The following ITGAM variants were observed in gnomAD, a reference collection of about 807,000 sequenced individuals.
ITGAM encodes the protein integrin subunit alpha M.
In ITGAM, 79 loss-of-function variants were observed where a neutral mutation model predicts 137.5. The observed-to-expected ratio is 0.57, with a 90% confidence interval of 0.48 to 0.69. ITGAM has a LOEUF of 0.69. Ranked by LOEUF, ITGAM falls within the 30% of genes least tolerant of loss-of-function variation. The pLI is 0.00. For missense variants in ITGAM, 1,343 were observed against 1,483.5 expected, an observed-to-expected ratio of 0.91 and a Z score of 1.56; for synonymous variants, 583 against 592.3, an observed-to-expected ratio of 0.98 and a Z score of 0.23.
At chr16:31,289,331 A>T (rs577963484) in intron 12 of ITGAM, among the ~76,000 whole-genome samples, 12 of 152,346 alleles carry the variant, frequency 7.9e-5, no homozygotes, top group Admixed American at 3.3e-4. Context: ...CTCTATTCAC[A>T]ATAGCAAAGA....
Position 31,261,774 on chromosome 16 carries a change from C to T in ITGAM, c.111C>T (p.Ser37=), listed in dbSNP as rs777607162. ...AGAACGCAAGGGGCTTCGGGCAGAG[C>T]GTGGTCCAGCTTCAGGGATCCAGGT... ...FQENARGFGQ[S]VVQLQGSRVV... is the part of the protein sequence containing the mutation. Residue 37 remains serine (S), a synonymous_variant, in exon 2 of 30, where the codon AGC becomes AGT. Coordinates refer to ENST00000544665, the MANE Select transcript of ITGAM (RefSeq NM_000632.4). The T allele has an allele frequency of 1.4e-5, 23 of 1,612,474 alleles. No homozygotes were observed. The highest frequency in any genetic ancestry group is 2.2e-5 in the East Asian group (1 of 44,844).
At chr16:31,330,857 A>G (rs1190629028) in intron 28 of ITGAM, among the ~76,000 whole-genome samples, 1 of 126,516 alleles carries the variant, frequency 7.9e-6, no homozygotes, top group Non-Finnish European at 1.6e-5. Flanking sequence ...AGAGACAGAG[A>G]CAGTGAGAGA....
intron 12 of ITGAM, among the ~76,000 whole-genome samples, chr16:31,280,196 C>T (rs1054901583): frequency 6.6e-6 from 1 of 152,148 alleles, no homozygotes; most frequent in Non-Finnish European, 1.5e-5. Context: ...GTTCTTTTGG[C>T]TTAGGATTGA....
chr16:31,330,707 GAGAC>G (rs979788572), intron 28 of ITGAM, 102 bp downstream of exon 28: 14 of 799,726 alleles, frequency 1.8e-5, no homozygotes, highest in African/African-American at 3.5e-5. Context: ...GGGAGAGAGA[GAGAC>G]AGAGCGACAG....
chr16:31,316,200 CAAAAAAAAAAAAAAAAAAAAAAAA>C lies in ITGAM; in HGVS notation c.1708-5026_1708-5003del, dbSNP rs1220064232. 2.8e-3 allele frequency among the ~76,000 whole-genome samples: 2 copies of C among 704 alleles called. 1 individual carries two copies. Among genetic ancestry groups the C allele is most frequent in the Non-Finnish European group, 4.5e-3 (2 of 446 alleles). The allele number at this position is 704 out of a possible 152,430, so 0.5% of individuals were successfully genotyped here. A position where few individuals can be genotyped will look rare whatever the true frequency, so the allele number is the denominator to read the frequency against. Reference sequence around the variant, plus strand: ...TGGGCGACAGAGCGAGACTCCGTCTCAAAAAAAAAAAAAAAAAAAAAAAAAAAAAAAAAAAAAATTAGCCAGGCA... The same window carrying C: ...TGGGCGACAGAGCGAGACTCCGTCTCAAAAAAAAAAAAAATTAGCCAGGCA... On this transcript the variant is annotated intron_variant, in intron 14 of 29. Transcript: ENST00000544665.
At chr16:31,298,046 C>G in intron 14 of ITGAM, 92 bp downstream of exon 14, 2 of 1,032,234 alleles carry the variant, frequency 1.9e-6, no homozygotes, top group South Asian at 2.7e-5. Context: ...GATAAGTTCT[C>G]ACAGTACTCC....
chr16:31,264,660 T>A (rs1330449299), intron 2 of ITGAM, among the ~76,000 whole-genome samples: 4 of 150,150 alleles, frequency 2.7e-5, no homozygotes, highest in South Asian at 2.1e-4. Flanking sequence ...AAAAAAAAAA[T>A]GGTTGGCCTG....
At chr16:31,286,219 A>G (rs943416833) in intron 12 of ITGAM, among the ~76,000 whole-genome samples, 1 of 151,962 alleles carries the variant, frequency 6.6e-6, no homozygotes, top group African/African-American at 2.4e-5. Flanking sequence ...GATGGTGTAT[A>G]TGTACCACAT....
intron 23 of ITGAM, among the ~76,000 whole-genome samples, chr16:31,328,488 G>A (rs985171939): frequency 5.3e-5 from 8 of 151,670 alleles, no homozygotes; most frequent in Admixed American, 1.3e-4. Context: ...GTGCATGGGC[G>A]TGTATTTGTG....
intron 12 of ITGAM, among the ~76,000 whole-genome samples, chr16:31,293,174 G>T (rs1179834143): frequency 6.6e-6 from 1 of 152,088 alleles, no homozygotes; most frequent in African/African-American, 2.4e-5. Flanking sequence ...TGGATGCATA[G>T]TTTGTGAATA....
At chr16:31,277,707 C>T (rs931707725) in intron 11 of ITGAM, among the ~76,000 whole-genome samples, 5 of 151,878 alleles carry the variant, frequency 3.3e-5, no homozygotes, top group South Asian at 4.2e-4. Flanking sequence ...TGGCCAGGCT[C>T]GTCTGGAACT....
At chr16:31,266,304 T>G (rs915086531) in intron 5 of ITGAM, among the ~76,000 whole-genome samples, 157 bp downstream of exon 5, 2 of 151,652 alleles carry the variant, frequency 1.3e-5, no homozygotes, top group Non-Finnish European at 2.9e-5. Flanking sequence ...GCTAGGGTCT[T>G]GTACTTTAGG....
intron 12 of ITGAM, among the ~76,000 whole-genome samples, chr16:31,293,037 G>T (rs1295511889): frequency 1.3e-5 from 2 of 151,940 alleles, no homozygotes; most frequent in East Asian, 3.9e-4. Flanking sequence ...TTGTATGCTT[G>T]TTGGCTGCAT....
chr16:31,329,942 C>T (rs1375445628), intron 25 of ITGAM, 37 bp downstream of exon 25: 3 of 1,538,192 alleles, frequency 2.0e-6, no homozygotes, highest in Non-Finnish European at 2.6e-6. Context: ...CACGGCCCTG[C>T]GCGTTCCTCT....
chr16:31,316,469 C>T (rs191863681), intron 14 of ITGAM, among the ~76,000 whole-genome samples: 1 of 151,680 alleles, frequency 6.6e-6, no homozygotes, highest in Non-Finnish European at 1.5e-5. Context: ...TTCCATTGGT[C>T]AATGTCTCTG....
chr16:31,280,372 T>A (rs1408031580), intron 12 of ITGAM, among the ~76,000 whole-genome samples: 1 of 152,242 alleles, frequency 6.6e-6, no homozygotes, highest in Non-Finnish European at 1.5e-5. Flanking sequence ...TCCATGAGCA[T>A]GGAATGTTCT....
At chr16:31,330,208 C>A (rs754448974) in intron 26 of ITGAM, 44 bp downstream of exon 26, 3 of 1,597,844 alleles carry the variant, frequency 1.9e-6, no homozygotes, top group Non-Finnish European at 2.6e-6. Context: ...AGACCCAGAG[C>A]GCTTCCCTGC....
chr16:31,325,113 A>G, intron 19 of ITGAM, 82 bp downstream of exon 19: 1 of 1,466,506 alleles, frequency 6.8e-7, no homozygotes, highest in Non-Finnish European at 9.3e-7. Flanking sequence ...CCCCCAAGGG[A>G]GCCGGGTGTT....
chr16:31,302,442 TCTTTCTTTCTTCCTTC>T (rs1164081185), intron 14 of ITGAM, among the ~76,000 whole-genome samples: 10 of 105,242 alleles, frequency 9.5e-5, no homozygotes, highest in Non-Finnish European at 1.4e-4. Flanking sequence ...TTTCTTTCTT[TCTTTCTTTCTTCCTTC>T]CTTTCTTTCT....
Sources: gnomAD v4.1 joint callset for allele counts (sites outside exome capture counted in the v4.1 genomes callset) on GRCh38, gnomAD v4.1.1 for gene constraint, MANE v1.5 for transcripts, NCBI Gene and HGNC (gene_info 2026-07-23, HGNC 2026-07-21) for gene names.